RNF150: variants seen among roughly 807,000 people sequenced by gnomAD.
The protein encoded by RNF150 is ring finger protein 150.
RNF150 carries 24 observed loss-of-function variants against 39.3 expected under a neutral mutation model. That is an observed-to-expected ratio of 0.61 (90% CI 0.44 to 0.86). The LOEUF is 0.86. RNF150 is among the 40% of genes least tolerant of loss of function. RNF150 has a pLI of 0.00. For synonymous variants in RNF150, 255 were observed against 227.3 expected, an observed-to-expected ratio of 1.12 and a Z score of -1.10; for missense variants, 502 against 587.8, an observed-to-expected ratio of 0.85 and a Z score of 1.51.
chr4:140,989,842 G>T (rs1734136540), intron 1 of RNF150, among the ~76,000 whole-genome samples: 1 of 152,060 alleles, frequency 6.6e-6, no homozygotes, highest in African/African-American at 2.4e-5. Context: ...AATGCTGACA[G>T]GCTGGTTCCA....
chr4:141,140,248 G>T (rs959851692), intron 1 of RNF150, among the ~76,000 whole-genome samples: 9 of 152,082 alleles, frequency 5.9e-5, no homozygotes, highest in African/African-American at 2.2e-4. Context: ...AGAACAATAG[G>T]ATACCTTGCT....
rs1366216951 is a variant in RNF150, at chr4:140,921,963, G to A, written c.987+4014C>T. On this transcript the variant is annotated intron_variant, in intron 5 of 6. Coordinates refer to ENST00000515673, the MANE Select transcript of RNF150 (RefSeq NM_020724.2). ...TCAATAAATTAGGTATTGATGGGAC[G>A]TATCTCAAAATAATAAGAGCTATCT... Among the ~76,000 whole-genome samples the A allele has an allele frequency of 3.6e-3, 536 of 150,830 alleles. 1 individual carries two copies. Among genetic ancestry groups the A allele is most frequent in the Middle Eastern group, 6.8e-3 (2 of 294 alleles).
intron 1 of RNF150, among the ~76,000 whole-genome samples, chr4:141,145,881 T>C (rs1233115420): frequency 6.6e-6 from 1 of 152,058 alleles, no homozygotes; most frequent in Non-Finnish European, 1.5e-5. Flanking sequence ...TTTTGAGGAG[T>C]CAGGTTGTGT....
intron 1 of RNF150, among the ~76,000 whole-genome samples, chr4:141,068,699 T>A (rs1422383114): frequency 6.8e-6 from 1 of 148,010 alleles, no homozygotes; most frequent in Admixed American, 6.8e-5. Flanking sequence ...GAGCATGGAA[T>A]GTTCTTCCAT....
intron 1 of RNF150, among the ~76,000 whole-genome samples, chr4:141,070,015 T>C (rs1737628408): frequency 6.6e-6 from 1 of 152,190 alleles, no homozygotes. Context: ...AACCAGCTCC[T>C]GGATTCATTG....
chr4:141,093,227 A>G (rs1421862307), intron 1 of RNF150, among the ~76,000 whole-genome samples: 18 of 152,046 alleles, frequency 1.2e-4, no homozygotes, highest in Non-Finnish European at 4.4e-5. Context: ...TTGGCCGGGC[A>G]TGGTGGCAGG....
At chr4:140,868,776 T>A (rs1468200508) in intron 6 of RNF150, among the ~76,000 whole-genome samples, 1 of 152,004 alleles carries the variant, frequency 6.6e-6, no homozygotes, top group Admixed American at 6.6e-5. Flanking sequence ...TTGCAAAAAA[T>A]TTCACAAAGG....
rs1371570160 is a variant in RNF150 at position 141,133,164 on chromosome 4, T to A, written c.-356A>T. Reference sequence around the variant, plus strand: ...TAAGGGTGGCCGGGGGCCCACGAACTTGCAGGGTGGCGGCCCTGCGCCCTC... The same window carrying A: ...TAAGGGTGGCCGGGGGCCCACGAACATGCAGGGTGGCGGCCCTGCGCCCTC... On this transcript the variant is annotated 5_prime_UTR_variant, in exon 1 of 7. It adds an upstream start codon to the 5' untranslated region. Transcript: ENST00000515673. The A allele has an allele frequency of 4.0e-6, 1 of 250,216 alleles. No individual in the cohort carries two copies. The highest frequency in any genetic ancestry group is 7.6e-6 in the Non-Finnish European group (1 of 130,750). The allele number at this position is 250,216 out of a possible 1,614,324, so 15.5% of individuals were successfully genotyped here.
At chr4:141,211,325 G>C (rs1331835569) in intron 1 of RNF150, among the ~76,000 whole-genome samples, 1 of 152,058 alleles carries the variant, frequency 6.6e-6, no homozygotes, top group East Asian at 1.9e-4. Context: ...AGAAGCAGAT[G>C]GTATTAGATA....
intron 1 of RNF150, among the ~76,000 whole-genome samples, chr4:141,019,414 AAG>A (rs1735401967): frequency 6.6e-6 from 1 of 152,104 alleles, no homozygotes; most frequent in Non-Finnish European, 1.5e-5. Context: ...CATTCTTTGT[AAG>A]AGTCTTTGAC....
chr4:141,131,348 G>A (rs1162974165), intron 1 of RNF150, among the ~76,000 whole-genome samples: 1 of 152,258 alleles, frequency 6.6e-6, no homozygotes, highest in Non-Finnish European at 1.5e-5. Flanking sequence ...ACCCCTTTGG[G>A]GAAGGAGGGC....
intron 5 of RNF150, among the ~76,000 whole-genome samples, chr4:140,918,318 G>C (rs1344923422): frequency 6.6e-6 from 1 of 152,080 alleles, no homozygotes; most frequent in African/African-American, 2.4e-5. Flanking sequence ...GAAAAAAAGA[G>C]AGAAGAATCA....
At chr4:141,004,383 A>C (rs73860220) in intron 1 of RNF150, among the ~76,000 whole-genome samples, 11,540 of 152,262 alleles carry the variant, frequency 0.076, 492 homozygotes, top group Middle Eastern at 0.16. Flanking sequence ...TTGACACTAA[A>C]GCTGAGCTCA....
intron 1 of RNF150, among the ~76,000 whole-genome samples, chr4:141,178,809 A>T (rs1261491973): frequency 1.3e-5 from 2 of 152,010 alleles, no homozygotes; most frequent in African/African-American, 2.4e-5. Context: ...GCATCAGTGG[A>T]GGTATTCCTG....
At chr4:141,097,150 T>G (rs767335529) in intron 1 of RNF150, among the ~76,000 whole-genome samples, 1 of 152,210 alleles carries the variant, frequency 6.6e-6, no homozygotes, top group Non-Finnish European at 1.5e-5. Context: ...CAGACCTGTG[T>G]TGTTTGGGAT....
intron 1 of RNF150, among the ~76,000 whole-genome samples, chr4:141,126,373 C>A (rs1470885896): frequency 6.6e-6 from 1 of 152,190 alleles, no homozygotes; most frequent in African/African-American, 2.4e-5. Context: ...TCAGTTTCAA[C>A]CTGAATGCCA....
chr4:140,904,055 AGTT>A (rs751520870), intron 6 of RNF150, among the ~76,000 whole-genome samples: 1 of 152,308 alleles, frequency 6.6e-6, no homozygotes, highest in South Asian at 2.1e-4. Flanking sequence ...TGGATTGGGT[AGTT>A]GCCATCTGCG....
chr4:140,995,533 T>C (rs1734334146), intron 1 of RNF150, among the ~76,000 whole-genome samples: 1 of 152,148 alleles, frequency 6.6e-6, no homozygotes, highest in African/African-American at 2.4e-5. Flanking sequence ...TTCTAGGGAA[T>C]GGTAAACTGA....
At chr4:140,878,990 C>A (rs966755624) in intron 6 of RNF150, among the ~76,000 whole-genome samples, 1 of 152,222 alleles carries the variant, frequency 6.6e-6, no homozygotes, top group Non-Finnish European at 1.5e-5. Context: ...CTCCACTTTT[C>A]TCCACACCAT....
Sources: allele counts gnomAD v4.1 joint callset (sites outside exome capture counted in the v4.1 genomes callset), GRCh38; gene constraint gnomAD v4.1.1; transcripts MANE v1.5; gene names NCBI Gene and HGNC (gene_info 2026-07-23, HGNC 2026-07-21).